The following SLC5A4 variants were observed in gnomAD, a reference collection of about 807,000 sequenced individuals.
SLC5A4 encodes probable glucose sensor protein SLC5A4.
SLC5A4 carries 55 observed loss-of-function variants against 70.3 expected under a neutral mutation model. That is an observed-to-expected ratio of 0.78 (90% CI 0.63 to 0.98). SLC5A4 has a LOEUF of 0.98. Ranked by LOEUF, SLC5A4 falls within the 50% of genes least tolerant of loss-of-function variation. The probability of loss-of-function intolerance (pLI) is 0.00; values close to 1 mark genes in which losing one functional copy is unlikely to be tolerated. For missense variants in SLC5A4, 735 were observed against 839.2 expected (o/e 0.88, Z 1.53); for synonymous variants, 268 against 305.7 (o/e 0.88, Z 1.29).
At chr22:32,285,727 AT>A in the SLC5A4 span, among the ~76,000 whole-genome samples, 1 of 123,052 alleles carries the variant, frequency 8.1e-6, no homozygotes, top group African/African-American at 3.2e-5. Context: ...ATTTTATTTT[AT>A]TTTTTATTTT....
intron 5 of SLC5A4, 85 bp from the exon 6 acceptor site, chr22:32,239,175 C>G: frequency 3.2e-6 from 3 of 928,242 alleles, no homozygotes; most frequent in Non-Finnish European, 5.2e-6. Context: ...CTACTCAACC[C>G]TTCTTTTTCT....
the SLC5A4 span, among the ~76,000 whole-genome samples, chr22:32,331,472 A>G: frequency 6.6e-6 from 1 of 152,122 alleles, no homozygotes; most frequent in Admixed American, 6.5e-5. Context: ...CTTGAGGACA[A>G]TGAGAATTAT....
the SLC5A4 span, among the ~76,000 whole-genome samples, chr22:32,294,136 C>G: frequency 6.6e-6 from 1 of 151,898 alleles, no homozygotes; most frequent in Non-Finnish European, 1.5e-5. Flanking sequence ...AGCCTTTTAT[C>G]TCTTCAAATA....
the SLC5A4 span, chr22:32,270,674 T>C: frequency 1.4e-6 from 1 of 705,098 alleles, no homozygotes; most frequent in Non-Finnish European, 2.6e-6. Context: ...GTGTCGCTGC[T>C]GGGCATCCAC....
intron 8 of SLC5A4, 44 bp from the exon 9 acceptor site, chr22:32,233,078 G>A: frequency 6.3e-7 from 1 of 1,587,752 alleles, no homozygotes; most frequent in South Asian, 1.1e-5. Flanking sequence ...GCCAGGGGAT[G>A]ATTTCAAAGG....
the SLC5A4 span, among the ~76,000 whole-genome samples, chr22:32,304,479 G>A: frequency 6.6e-6 from 1 of 151,906 alleles, no homozygotes. Context: ...GGGTCTCACT[G>A]TAGCTACCAG....
chr22:32,227,265 G>A (rs1422744246), intron 11 of SLC5A4, among the ~76,000 whole-genome samples: 1 of 152,156 alleles, frequency 6.6e-6, no homozygotes, highest in Admixed American at 6.5e-5. Flanking sequence ...AGGAGGATGT[G>A]TGTCCAAGAT....
At chr22:32,269,847 C>G in the SLC5A4 span, 1 of 631,754 alleles carries the variant, frequency 1.6e-6, no homozygotes, top group Admixed American at 1.9e-5. This position sits in a 1 kb window ranked among gnomAD's most constrained non-coding sequence, Gnocchi z 4.1. Flanking sequence ...GATCTACATG[C>G]TGACCCTCAT....
chr22:32,327,626 G>A, the SLC5A4 span, among the ~76,000 whole-genome samples: 1 of 152,224 alleles, frequency 6.6e-6, no homozygotes, highest in South Asian at 2.1e-4. Context: ...AGAGCTTTAT[G>A]GGAGTTTGCT....
chr22:32,249,928 A>C (rs913318322), intron 3 of SLC5A4, among the ~76,000 whole-genome samples: 1 of 152,028 alleles, frequency 6.6e-6, no homozygotes, highest in African/African-American at 2.4e-5. Context: ...TTAGGTCATC[A>C]GCTATTCTTA....
the SLC5A4 span, among the ~76,000 whole-genome samples, chr22:32,264,003 C>T: frequency 6.6e-6 from 1 of 152,076 alleles, no homozygotes; most frequent in Admixed American, 6.6e-5. Context: ...AACAATAACA[C>T]ATGAACATAG....
At chr22:32,223,289 A>G (rs935835398) in intron 13 of SLC5A4, among the ~76,000 whole-genome samples, 6 of 152,164 alleles carry the variant, frequency 3.9e-5, no homozygotes, top group Non-Finnish European at 5.9e-5. Flanking sequence ...ACAAGTATTT[A>G]TACACAGTAA....
intron 5 of SLC5A4, among the ~76,000 whole-genome samples, chr22:32,239,570 T>TATATATATATATA (rs1555989414): frequency 9.6e-5 from 1 of 10,410 alleles, no homozygotes; most frequent in Non-Finnish European, 1.5e-4. Context: ...ATATATATAT[T>TATATATATATATA]TATATATATA....
chr22:32,239,052 G>A lies in SLC5A4; in HGVS notation c.516C>T (p.Ala172=), dbSNP rs1209137979. The change falls in exon 6 of 15, where the codon GCC becomes GCT. Residue 172 remains alanine (A), a synonymous_variant. Coordinates refer to ENST00000266086, the MANE Select transcript of SLC5A4 (RefSeq NM_014227.3). The part of the protein sequence containing the change: ...IFAGAIFIKL[A]LGLDLYLAIF... ...TTGCCAGGTAAAGGTCCAATCCCAA[G>A]GCCAGCTTGATGAATATGGCTCCAG... The A allele has an allele frequency of 6.2e-7, 1 of 1,613,906 alleles. No homozygotes were observed. Among genetic ancestry groups the A allele is most frequent in the Non-Finnish European group, 8.5e-7 (1 of 1,179,950 alleles).
At chr22:32,350,882 T>C in the SLC5A4 span, among the ~76,000 whole-genome samples, 1 of 147,544 alleles carries the variant, frequency 6.8e-6, no homozygotes, top group East Asian at 2.0e-4. Context: ...GTCAATACAA[T>C]GCATAAATTT....
At chr22:32,332,316 C>CA in the SLC5A4 span, among the ~76,000 whole-genome samples, 1 of 152,250 alleles carries the variant, frequency 6.6e-6, no homozygotes. Context: ...CCCCCACACT[C>CA]ATGCCACCTG....
rs200519667 is a variant in SLC5A4 at position 32,241,766 on chromosome 22, C to CAT, written c.478-2678_478-2677dup. Among the ~76,000 whole-genome samples the CAT allele has an allele frequency of 8.0e-3, 1,137 of 142,920 alleles. 15 individuals are homozygous for CAT. Among genetic ancestry groups the CAT allele is most frequent in the African/African-American group, 0.028 (1,049 of 36,824 alleles). The allele number at this position is 142,920 out of a possible 152,430, so 93.8% of individuals were successfully genotyped here. A position where few individuals can be genotyped will look rare whatever the true frequency, so the allele number is the denominator to read the frequency against. Reference sequence around the variant, plus strand: ...TATAGGATTGAGCAAACAAATTTTACATATATATATGTGTGTGTGTGTGTG... The same window carrying CAT: ...TATAGGATTGAGCAAACAAATTTTACATATATATATATGTGTGTGTGTGTGTG... On this transcript the variant is annotated intron_variant, in intron 5 of 14. Coordinates refer to ENST00000266086, the MANE Select transcript of SLC5A4 (RefSeq NM_014227.3).
chr22:32,314,155 G>A, the SLC5A4 span, among the ~76,000 whole-genome samples: 4 of 152,164 alleles, frequency 2.6e-5, no homozygotes, highest in East Asian at 5.8e-4. Context: ...TGTGTACAGG[G>A]GCTAAGGGTG....
chr22:32,226,066 TA>T (rs1164069526), intron 11 of SLC5A4, among the ~76,000 whole-genome samples: 1 of 152,200 alleles, frequency 6.6e-6, no homozygotes, highest in African/African-American at 2.4e-5. Context: ...TATCTATTCA[TA>T]AAAATAGTTA....
Sources: allele counts gnomAD v4.1 joint callset (sites outside exome capture counted in the v4.1 genomes callset), GRCh38; gene constraint gnomAD v4.1.1; non-coding constraint Gnocchi (gnomAD v3.1); transcripts MANE v1.5; gene names NCBI Gene and HGNC (gene_info 2026-07-23, HGNC 2026-07-21).